The following DPH7 variants were observed in gnomAD, a reference collection of about 807,000 sequenced individuals.
DPH7 encodes the protein diphthine methyltransferase.
In DPH7, 44 loss-of-function variants were observed where a neutral mutation model predicts 41.7. The observed-to-expected ratio is 1.05, with a 90% CI of 0.83 to 1.36. The LOEUF (loss-of-function observed/expected upper bound fraction) is 1.36. DPH7 is among the 40% of genes most tolerant of loss of function. The pLI is 0.00. For synonymous variants in DPH7, 275 were observed against 238.0 expected (o/e 1.16, Z -1.43); for missense variants, 629 against 577.5 (o/e 1.09, Z -0.91).
At chr9:137,559,759 T>C (rs1838185752) in intron 8 of DPH7, among the ~76,000 whole-genome samples, 1 of 152,208 alleles carries the variant, frequency 6.6e-6, no homozygotes, top group African/African-American at 2.4e-5. Flanking sequence ...ACCTTACCTA[T>C]CATTGGAGAT....
chr9:137,570,810 C>T (rs1472572768), intron 5 of DPH7, among the ~76,000 whole-genome samples: 5 of 152,210 alleles, frequency 3.3e-5, no homozygotes, highest in Non-Finnish European at 5.9e-5. Flanking sequence ...CCTGACCATG[C>T]TCTCCAACAG....
Position 137,564,434 on chromosome 9 carries a change from C to T in DPH7, c.949G>A (p.Glu317Lys). The T allele has an allele frequency of 6.2e-7, 1 of 1,612,054 alleles. No homozygotes were observed. Among genetic ancestry groups the T allele is most frequent in the Non-Finnish European group, 8.5e-7 (1 of 1,178,876 alleles). ...CCAGCAGCCACGGGTCCCCACTCAC[C>T]CATTGCCTTTTGGCAGTTGAGGATC... ...FKILNCQKAM[E>K]ERQEATVLTS... Residue 317 changes from glutamate (E) to lysine (K), a missense_variant and splice_region_variant, in exon 8 of 9, where the codon GAG (glutamate) becomes AAG (lysine). Physicochemically the swap from Glu to Lys is moderately conservative, Grantham distance 56. Transcript: ENST00000277540.
In DPH7 at chr9:137,555,168, G is replaced by A. The variant is rs1159339873; in HGVS notation, c.*71C>T. On this transcript the variant is annotated 3_prime_UTR_variant, in exon 9 of 9. Transcript: ENST00000277540. ...GGGCTGCAGTAAGCATCTCTGATGA[G>A]GTGGTCCCGGGCACTCACTCGCAGT... is the stretch of plus-strand genomic sequence containing the variant. 16 of 1,511,040 alleles carry A rather than the reference G, an allele frequency of 1.1e-5. No individual in the cohort carries two copies. The highest frequency in any genetic ancestry group is 1.4e-5 in the Non-Finnish European group (16 of 1,126,832). 93.6% of individuals were successfully genotyped at this position (1,511,040 alleles called of 1,614,324 possible). A position where few individuals can be genotyped will look rare whatever the true frequency, so the allele number is the denominator to read the frequency against.
chr9:137,572,646 C>G (rs1840638834), intron 5 of DPH7, among the ~76,000 whole-genome samples: 1 of 152,146 alleles, frequency 6.6e-6, no homozygotes, highest in Admixed American at 6.5e-5. Context: ...AGAGACCCGC[C>G]CCTCTCACCT....
intron 6 of DPH7, 60 bp from the exon 7 acceptor site, chr9:137,565,018 G>A (rs1839348789): frequency 1.9e-6 from 3 of 1,610,136 alleles, no homozygotes; most frequent in Admixed American, 3.4e-5. Context: ...CAGGGAACGG[G>A]AGGGCTGGTG....
intron 3 of DPH7, chr9:137,575,097 G>A: frequency 2.4e-6 from 3 of 1,255,286 alleles, no homozygotes; most frequent in Non-Finnish European, 3.0e-6. Context: ...TTGGGGCATG[G>A]TCTCCCTCCC....
rs972920117 is a variant in DPH7, at chr9:137,558,785, A to G, written c.950-3137T>C. On this transcript the variant is annotated intron_variant, in intron 8 of 8. Transcript: ENST00000277540. ...CGGAGTGTCACTGTCGCCAGGCTGG[A>G]GCGCAGTGGCGTGATCTCGGCTCAC... is the stretch of plus-strand genomic sequence containing the variant. Among the ~76,000 whole-genome samples the G allele has an allele frequency of 2.6e-5, 4 of 152,066 alleles. 1 individual carries two copies. The highest frequency in any genetic ancestry group is 1.3e-4 in the Admixed American group (2 of 15,260).
chr9:137,555,245 C>A lies in DPH7; in HGVS notation c.1353G>T (p.Gly451=). The change falls in exon 9 of 9, where the codon GGG becomes GGT. Residue 451 remains glycine, a synonymous_variant. Coordinates refer to ENST00000277540, the MANE Select transcript of DPH7 (RefSeq NM_138778.5). ...GGGCTTCATGATTTCAAGCTCAGTT[C>A]CCCTCCCACTCCCAGAGGTGGAGCG... ...DHALHLWEWE[G]N is the part of the protein sequence containing the mutation. 6.3e-7 allele frequency: 1 copy of A among 1,592,976 alleles called. No homozygotes were observed. Among genetic ancestry groups the A allele is most frequent in the Non-Finnish European group, 8.6e-7 (1 of 1,167,600 alleles).
chr9:137,559,386 C>T (rs1258463213), intron 8 of DPH7, among the ~76,000 whole-genome samples: 4 of 152,170 alleles, frequency 2.6e-5, no homozygotes, highest in Non-Finnish European at 4.4e-5. Flanking sequence ...GAAAAACACC[C>T]GCTACTTAGC....
intron 5 of DPH7, among the ~76,000 whole-genome samples, chr9:137,570,710 C>T (rs899286984): frequency 5.3e-5 from 8 of 152,176 alleles, no homozygotes; most frequent in East Asian, 1.9e-4. Context: ...TCTTCTATTC[C>T]GCTACTGCCT....
rs550260486 is a variant in DPH7 at position 137,556,338 on chromosome 9, C to A, written c.950-690G>T. ...GTCCAGGAGGCAAGGCCAGGGCTGG[C>A]AGGGGCAGTTGCAGAGAGCAAGTGG... On this transcript the variant is annotated intron_variant, in intron 8 of 8. Transcript: ENST00000277540. The surrounding 1 kb of genome is among the most constrained non-coding windows in gnomAD (Gnocchi z 5.2). Among the ~76,000 whole-genome samples the A allele has an allele frequency of 2.6e-3, 393 of 152,296 alleles. 2 individuals carry two copies. Among genetic ancestry groups the A allele is most frequent in the Non-Finnish European group, 4.6e-3 (313 of 68,026 alleles).
chr9:137,573,025 C>T (rs1181895844), intron 5 of DPH7, among the ~76,000 whole-genome samples: 2 of 152,172 alleles, frequency 1.3e-5, no homozygotes, highest in Non-Finnish European at 2.9e-5. Flanking sequence ...CCAACACCAC[C>T]CAAGACCCTG....
intron 5 of DPH7, among the ~76,000 whole-genome samples, chr9:137,570,547 G>C (rs1322066537): frequency 6.6e-6 from 1 of 152,172 alleles, no homozygotes; most frequent in Non-Finnish European, 1.5e-5. Flanking sequence ...ATTCACCAAA[G>C]AGGTCATCGC....
In DPH7 at chr9:137,578,628, G is replaced by A. The variant is rs2133261781; in HGVS notation, c.150C>T (p.Asn50=). The A allele has an allele frequency of 6.6e-7, 1 of 1,505,444 alleles. No homozygotes were observed. The highest frequency in any genetic ancestry group is 8.8e-7 in the Non-Finnish European group (1 of 1,132,866). The allele number at this position is 1,505,444 out of a possible 1,614,324, so 93.3% of individuals were successfully genotyped here. A position where few individuals can be genotyped will look rare whatever the true frequency, so the allele number is the denominator to read the frequency against. Residue 50 remains asparagine, a synonymous_variant, in exon 1 of 9, where the codon AAC becomes AAT. Coordinates refer to ENST00000277540, the MANE Select transcript of DPH7 (RefSeq NM_138778.5). ...CCCGAAGCCGCGGCGCGCGCACCTT[G>A]TTCTGGGGGCCGGCAGGCCGGTCCT... ...RPEDRPAGPQ[N]KGGMEVKEPQ...
At chr9:137,574,003 T>C (rs1242770272) in intron 5 of DPH7, among the ~76,000 whole-genome samples, 2 of 152,188 alleles carry the variant, frequency 1.3e-5, no homozygotes, top group Non-Finnish European at 2.9e-5. Context: ...GAGGTGGAGA[T>C]TGCAGTAAGC....
In DPH7 at chr9:137,554,641, T is replaced by C. The variant is rs909789499; in HGVS notation, c.*598A>G. Among the ~76,000 whole-genome samples, 1 of 152,026 alleles carries C rather than the reference T, an allele frequency of 6.6e-6. No individual in the cohort carries two copies. The highest frequency in any genetic ancestry group is 1.5e-5 in the Non-Finnish European group (1 of 68,000). ...TTTTTATAGAGACTGGGTTTTGCTA[T>C]GTTGCCCAGGCTGGTCTTGAACTCC... is the stretch of plus-strand genomic sequence containing the variant. On this transcript the variant is annotated 3_prime_UTR_variant, in exon 9 of 9. Coordinates refer to ENST00000277540, the MANE Select transcript of DPH7 (RefSeq NM_138778.5).
rs1214560400 is a variant in DPH7, at chr9:137,556,280, G to A, written c.950-632C>T. ...CAGAGCACACAGCAACAGAGGGAAT[G>A]ACGAGGCGTGGCCAAACCCGAGGCG... On this transcript the variant is annotated intron_variant, in intron 8 of 8. Coordinates refer to ENST00000277540, the MANE Select transcript of DPH7 (RefSeq NM_138778.5). The surrounding 1 kb of genome is among the most constrained non-coding windows in gnomAD (Gnocchi z 5.2). 6.6e-6 allele frequency among the ~76,000 whole-genome samples: 1 copy of A among 152,214 alleles called. No homozygotes were observed. The highest frequency in any genetic ancestry group is 1.5e-5 in the Non-Finnish European group (1 of 68,050).
At chr9:137,576,226 G>A in intron 2 of DPH7, 59 bp from the exon 3 acceptor site, 2 of 1,498,256 alleles carry the variant, frequency 1.3e-6, no homozygotes, top group Non-Finnish European at 1.9e-6. Context: ...CGTGCACTGT[G>A]CGTCCCGGTA....
intron 8 of DPH7, among the ~76,000 whole-genome samples, chr9:137,557,852 C>A (rs1391228242): frequency 1.4e-5 from 2 of 144,182 alleles, no homozygotes; most frequent in East Asian, 4.2e-4. Flanking sequence ...TGAAAAAGGC[C>A]AGCCGAGCAC....
Sources: allele counts gnomAD v4.1 joint callset (sites outside exome capture counted in the v4.1 genomes callset), GRCh38; gene constraint gnomAD v4.1.1; non-coding constraint Gnocchi (gnomAD v3.1); transcripts MANE v1.5; gene names NCBI Gene and HGNC (gene_info 2026-07-23, HGNC 2026-07-21).